The following GATA4 variants were observed in gnomAD, a reference collection of about 807,000 sequenced individuals.
The protein encoded by GATA4 is transcription factor GATA-4.
GATA4 carries 7 observed loss-of-function variants against 37.9 expected under a neutral mutation model. The observed-to-expected ratio is 0.18, with a 90% CI of 0.11 to 0.35. The LOEUF is 0.35. GATA4 is among the 10% of genes least tolerant of loss of function. GATA4 has a pLI of 1.00. For synonymous variants in GATA4, 372 were observed against 292.6 expected (o/e 1.27, Z -2.77); for missense variants, 647 against 653.0 (o/e 0.99, Z 0.10).
chr8:11,684,784 A>C (rs1263475864), intron 1 of GATA4, among the ~76,000 whole-genome samples: 1 of 152,182 alleles, frequency 6.6e-6, no homozygotes, highest in East Asian at 1.9e-4. Context: ...TTTGTTTCTT[A>C]ACCTATTACT....
rs887738090 is a variant in GATA4, at chr8:11,693,522, A to C, written c.-729+862A>C. ...AAAAAAAGAGGATTGATTCAGCACA[A>C]ACACACACACACACACACACACACA... On this transcript the variant is annotated intron_variant, in intron 1 of 2. Transcript: ENST00000526974. Among the ~76,000 whole-genome samples, 7 of 110,030 alleles carry C rather than the reference A, an allele frequency of 6.4e-5. No individual in the cohort carries two copies. The East Asian group carries it at 1.0e-3, about 16-fold the overall frequency. The allele number at this position is 110,030 out of a possible 152,430, so 72.2% of individuals were successfully genotyped here. A position where few individuals can be genotyped will look rare whatever the true frequency, so the allele number is the denominator to read the frequency against.
chr8:11,680,833 G>A, intron 1 of GATA4: 3 of 985,376 alleles, frequency 3.0e-6, no homozygotes, highest in South Asian at 4.7e-5. Flanking sequence ...CACGCTCTGG[G>A]CAGCAAGACA....
chr8:11,690,306 C>A (rs1799270343), upstream of GATA4, among the ~76,000 whole-genome samples: 1 of 152,230 alleles, frequency 6.6e-6, no homozygotes, highest in East Asian at 1.9e-4. Context: ...TGTAATAGGA[C>A]AAAGTGGAAA....
upstream of GATA4, among the ~76,000 whole-genome samples, chr8:11,699,667 C>G (rs771060956): frequency 1.3e-5 from 2 of 152,376 alleles, no homozygotes; most frequent in African/African-American, 4.8e-5. Flanking sequence ...CCTGCCTGGA[C>G]TTGCAGGCAC....
At chr8:11,712,189 G>C (rs1004674956) in intron 2 of GATA4, among the ~76,000 whole-genome samples, 1 of 152,214 alleles carries the variant, frequency 6.6e-6, no homozygotes, top group African/African-American at 2.4e-5. Context: ...GCCACTCACT[G>C]TCATGTAGAG....
chr8:11,680,595 G>T (rs549808473), intron 1 of GATA4: 1 of 985,360 alleles, frequency 1.0e-6, no homozygotes, highest in Non-Finnish European at 1.2e-6. Flanking sequence ...GCCCAGCCGG[G>T]TCCGAGCGGC....
rs1442224879 is a variant in GATA4, at chr8:11,695,996, G to T, written c.-729+3336G>T. Among the ~76,000 whole-genome samples, 3 of 152,182 alleles carry T rather than the reference G, an allele frequency of 2.0e-5. No homozygotes were observed. In the South Asian group the frequency reaches 6.2e-4, roughly 32 times the overall value. ...CACTTTTCTAACATATTTTAGATGG[G>T]AGTCAAACGTGTACCAGGGATGTGG... On this transcript the variant is annotated intron_variant, in intron 1 of 2. Transcript: ENST00000526974.
Position 11,709,072 on chromosome 8 carries a change from G to GAA in GATA4, c.616+145_616+146dup. 2.2e-6 allele frequency: 2 copies of GAA among 891,250 alleles called. No homozygotes were observed. The highest frequency in any genetic ancestry group is 3.2e-6 in the Non-Finnish European group (2 of 634,520). 55.2% of individuals were successfully genotyped at this position (891,250 alleles called of 1,614,324 possible). Reference sequence around the variant, plus strand: ...CTACCTCGAGTTTCTAGGGAAGGCAGAAGCCAGTGCGGGGCTGGCGACATC... The same window carrying GAA: ...CTACCTCGAGTTTCTAGGGAAGGCAGAAAAGCCAGTGCGGGGCTGGCGACATC... On this transcript the variant is annotated intron_variant, in intron 2 of 6. Transcript: ENST00000532059. This position sits in a 1 kb window ranked among gnomAD's most constrained non-coding sequence, Gnocchi z 4.3.
intron 1 of GATA4, among the ~76,000 whole-genome samples, chr8:11,687,599 T>C (rs1284649122): frequency 6.6e-6 from 1 of 152,222 alleles, no homozygotes; most frequent in Non-Finnish European, 1.5e-5. Context: ...TTTCCCCCTT[T>C]TTATAGATGA....
intron 2 of GATA4, among the ~76,000 whole-genome samples, chr8:11,735,949 C>T (rs1801433555): frequency 6.6e-6 from 1 of 152,030 alleles, no homozygotes; most frequent in Non-Finnish European, 1.5e-5. Flanking sequence ...TTTGCTTTGT[C>T]ACCCAGGTTG....
At chr8:11,740,095 C>T (rs574538194) in intron 2 of GATA4, among the ~76,000 whole-genome samples, 3 of 152,300 alleles carry the variant, frequency 2.0e-5, no homozygotes, top group Admixed American at 2.0e-4. Flanking sequence ...AGCCAGGGCT[C>T]CCCTGGTTGT....
chr8:11,715,391 C>A (rs1156407446), intron 2 of GATA4, among the ~76,000 whole-genome samples: 1 of 152,066 alleles, frequency 6.6e-6, no homozygotes, highest in Non-Finnish European at 1.5e-5. Flanking sequence ...CCTTATTAAT[C>A]CATTTAATAA....
chr8:11,690,920 C>T (rs1196274090), upstream of GATA4, among the ~76,000 whole-genome samples: 3 of 152,198 alleles, frequency 2.0e-5, no homozygotes, highest in South Asian at 2.1e-4. Context: ...TGCACAATAC[C>T]AATGCCTTGC....
chr8:11,698,134 A>G (rs909226639), intron 1 of GATA4: 2 of 435,814 alleles, frequency 4.6e-6, no homozygotes, highest in African/African-American at 2.1e-5. Flanking sequence ...TGCGTCGCCA[A>G]GTCTCTTGAC....
At position 11,755,236 on chromosome 8, in the gene GATA4, G is replaced by C. The variant is rs113049875; in HGVS notation, c.1000+103G>C. On this transcript the variant is annotated intron_variant, in intron 5 of 6. Transcript: ENST00000532059. Reference sequence around the variant, plus strand: ...TAGGCAGGCCAGCCCGGGCCGCCAGGGGGTGGTGACAGCATCGGACATCCC... The same window carrying C: ...TAGGCAGGCCAGCCCGGGCCGCCAGCGGGTGGTGACAGCATCGGACATCCC... 2.3e-4 allele frequency: 211 copies of C among 914,874 alleles called. No individual in the cohort carries two copies. In the African/African-American group the frequency reaches 2.6e-3, roughly 11 times the overall value. 56.7% of individuals were successfully genotyped at this position (914,874 alleles called of 1,614,324 possible).
chr8:11,685,659 T>G (rs955633445), intron 1 of GATA4, among the ~76,000 whole-genome samples: 2 of 152,224 alleles, frequency 1.3e-5, no homozygotes, highest in Admixed American at 6.5e-5. Flanking sequence ...GAGATTCCCC[T>G]CCCCATTTAG....
At chr8:11,743,399 C>G (rs1801857057) in intron 2 of GATA4, among the ~76,000 whole-genome samples, 1 of 152,240 alleles carries the variant, frequency 6.6e-6, no homozygotes, top group African/African-American at 2.4e-5. Flanking sequence ...GGGTGAGGGT[C>G]TTCCAACACA....
At chr8:11,719,805 G>A (rs1800589481) in intron 2 of GATA4, among the ~76,000 whole-genome samples, 2 of 152,206 alleles carry the variant, frequency 1.3e-5, no homozygotes, top group Admixed American at 1.3e-4. Flanking sequence ...AAGCAGAAAT[G>A]AGAAATTGAC....
At chr8:11,697,511 C>T in intron 1 of GATA4, 1 of 973,742 alleles carries the variant, frequency 1.0e-6, no homozygotes, top group Non-Finnish European at 1.2e-6. Context: ...GCACCTGCTG[C>T]AGTTGGGGAG....
Sources: allele counts gnomAD v4.1 joint callset (sites outside exome capture counted in the v4.1 genomes callset), GRCh38; gene constraint gnomAD v4.1.1; non-coding constraint Gnocchi (gnomAD v3.1); transcripts MANE v1.5; gene names NCBI Gene and HGNC (gene_info 2026-07-23, HGNC 2026-07-21).